Variants in ARRDC4 observed in about 807,000 individuals in gnomAD.
ARRDC4 encodes the protein arrestin domain-containing protein 4.
A neutral mutation model predicts 44.6 loss-of-function variants in ARRDC4; 40 were observed. That is an observed-to-expected ratio of 0.90 (90% CI 0.70 to 1.17). The LOEUF (loss-of-function observed/expected upper bound fraction) is 1.17. Ranked by LOEUF, ARRDC4 falls within the 50% of genes most tolerant of loss-of-function variation. The pLI is 0.00. For synonymous variants in ARRDC4, 211 were observed against 221.2 expected (o/e 0.95, Z 0.41); for missense variants, 550 against 559.1 (o/e 0.98, Z 0.16).
Position 97,970,259 on chromosome 15 carries a change from G to C in ARRDC4, c.1045+214G>C, listed in dbSNP as rs1899486524. On this transcript the variant is annotated intron_variant, in intron 6 of 7. Transcript: ENST00000268042. The surrounding 1 kb of genome is among the most constrained non-coding windows in gnomAD (Gnocchi z 4.2). ...GCAAAGCTGCTGATAGCAGATTCAGGAATAAGATGTACATTTCCTAATTCC... is the reference window on the plus strand; with the variant it reads ...GCAAAGCTGCTGATAGCAGATTCAGCAATAAGATGTACATTTCCTAATTCC... 6.6e-6 allele frequency among the ~76,000 whole-genome samples: 1 copy of C among 151,968 alleles called. No homozygotes were observed.
In ARRDC4 at chr15:97,966,138, G is replaced by A; in HGVS notation, c.522+96G>A. On this transcript the variant is annotated intron_variant, in intron 3 of 7. Coordinates refer to ENST00000268042, the MANE Select transcript of ARRDC4 (RefSeq NM_183376.3). The surrounding 1 kb of genome is among the most constrained non-coding windows in gnomAD (Gnocchi z 4.7). ...GGATCTATATTTAGCCAGTTTACTG[G>A]TAGTCTGTCCTGTCACTTTCTGATG... 1 of 1,393,044 alleles carries A rather than the reference G, an allele frequency of 7.2e-7. No homozygotes were observed. Among genetic ancestry groups the A allele is most frequent in the African/African-American group, 1.4e-5 (1 of 69,668 alleles). 86.3% of individuals were successfully genotyped at this position (1,393,044 alleles called of 1,614,324 possible). A position where few individuals can be genotyped will look rare whatever the true frequency, so the allele number is the denominator to read the frequency against.
chr15:97,968,014 AC>A lies in ARRDC4; in HGVS notation c.527del (p.Pro176LeufsTer3). ...TGTTTTATTGTTTGAAATTTTCAAG[AC>A]CCCTGTATTGAAAACTCAAGAGAAA... ...HVDVNTPALL[T>X]PVLKTQEKMV... On this transcript the variant is annotated frameshift_variant and splice_region_variant, in exon 4 of 8. Transcript: ENST00000268042. LOFTEE classifies it high-confidence loss of function. This position sits in a 1 kb window ranked among gnomAD's most constrained non-coding sequence, Gnocchi z 5.4. The A allele has an allele frequency of 6.3e-7, 1 of 1,578,690 alleles. No homozygotes were observed. Among genetic ancestry groups the A allele is most frequent in the Non-Finnish European group, 8.6e-7 (1 of 1,162,554 alleles).
At position 97,970,668 on chromosome 15, in the gene ARRDC4, TG is replaced by T. The variant is rs1230146556; in HGVS notation, c.1126del (p.Glu376ArgfsTer33). 6.2e-7 allele frequency: 1 copy of T among 1,613,426 alleles called. No individual in the cohort carries two copies. Among genetic ancestry groups the T allele is most frequent in the African/African-American group, 1.3e-5 (1 of 74,896 alleles). ...IPPYPQPPNC[E>X]GEVCCPVFAC... Reference sequence around the variant, plus strand: ...CTCCTTACCCTCAACCCCCTAACTGTGAGGGAGAAGTGTGCTGTCCTGTGTT... The same window carrying T: ...CTCCTTACCCTCAACCCCCTAACTGTAGGGAGAAGTGTGCTGTCCTGTGTT... On this transcript the variant is annotated frameshift_variant, in exon 7 of 8. Coordinates refer to ENST00000268042, the MANE Select transcript of ARRDC4 (RefSeq NM_183376.3). LOFTEE classifies it high-confidence loss of function. The surrounding 1 kb of genome is among the most constrained non-coding windows in gnomAD (Gnocchi z 4.2).
intron 1 of ARRDC4, among the ~76,000 whole-genome samples, chr15:97,964,948 A>G (rs1899389199): frequency 6.6e-6 from 1 of 152,056 alleles, no homozygotes. Flanking sequence ...TAATATTGGT[A>G]TTTCCCGTTA....
Position 97,970,074 on chromosome 15 carries a change from G to T in ARRDC4, c.1045+29G>T. On this transcript the variant is annotated intron_variant, in intron 6 of 7. Coordinates refer to ENST00000268042, the MANE Select transcript of ARRDC4 (RefSeq NM_183376.3). The surrounding 1 kb of genome is among the most constrained non-coding windows in gnomAD (Gnocchi z 4.2). ...AAATATGTTGGCGTTCTTTCATAAC[G>T]AAGCTTTACCTAGAAAATACCTAGG... The T allele has an allele frequency of 6.3e-7, 1 of 1,595,080 alleles. No homozygotes were observed. The highest frequency in any genetic ancestry group is 8.6e-7 in the Non-Finnish European group (1 of 1,165,778).
At position 97,967,942 on chromosome 15, in the gene ARRDC4, A is replaced by G; in HGVS notation, c.523-72A>G. 1.1e-6 allele frequency: 1 copy of G among 915,546 alleles called. No individual in the cohort carries two copies. Among genetic ancestry groups the G allele is most frequent in the Non-Finnish European group, 1.6e-6 (1 of 609,228 alleles). The allele number at this position is 915,546 out of a possible 1,614,324, so 56.7% of individuals were successfully genotyped here. A position where few individuals can be genotyped will look rare whatever the true frequency, so the allele number is the denominator to read the frequency against. Reference sequence around the variant, plus strand: ...CCTTACAACCATTCTGTGAAGATAGATATAATTTTAAGTTCTATGAGTTCT... The same window carrying G: ...CCTTACAACCATTCTGTGAAGATAGGTATAATTTTAAGTTCTATGAGTTCT... On this transcript the variant is annotated intron_variant, in intron 3 of 7. Coordinates refer to ENST00000268042, the MANE Select transcript of ARRDC4 (RefSeq NM_183376.3). This position sits in a 1 kb window ranked among gnomAD's most constrained non-coding sequence, Gnocchi z 5.0.
At chr15:97,969,602 G>C (rs1405114785) in intron 5 of ARRDC4, among the ~76,000 whole-genome samples, 1 of 152,124 alleles carries the variant, frequency 6.6e-6, no homozygotes, top group Non-Finnish European at 1.5e-5. Context: ...AGGGGTGTTT[G>C]TTATATTGAA....
chr15:97,971,215 C>T lies in ARRDC4; in HGVS notation c.*28C>T, dbSNP rs1418323956. The stretch of plus-strand genomic sequence containing the variant: ...GTATTTCAGAAATCACTGTGTTCAT[C>T]ATCAAATTAGAATGTTGGTTCTTTT... On this transcript the variant is annotated 3_prime_UTR_variant, in exon 8 of 8. Coordinates refer to ENST00000268042, the MANE Select transcript of ARRDC4 (RefSeq NM_183376.3). 3 of 1,602,340 alleles carry T rather than the reference C, an allele frequency of 1.9e-6. No homozygotes were observed. The highest frequency in any genetic ancestry group is 2.6e-6 in the Non-Finnish European group (3 of 1,169,772).
chr15:97,961,209 CGGGGCCGGGGAG>C, intron 1 of ARRDC4, 41 bp downstream of exon 1: 1 of 1,358,916 alleles, frequency 7.4e-7, no homozygotes, highest in Non-Finnish European at 9.4e-7. Context: ...CGCCAGGCTG[CGGGGCCGGGGAG>C]GGGCTGGGAG....
At position 97,968,094 on chromosome 15, in the gene ARRDC4, T is replaced by G; in HGVS notation, c.603T>G (p.Ile201Met). The G allele has an allele frequency of 6.2e-7, 1 of 1,602,498 alleles. No homozygotes were observed. The highest frequency in any genetic ancestry group is 8.5e-7 in the Non-Finnish European group (1 of 1,174,412). Reference sequence around the variant, plus strand: ...GTCCAGTCTCGCTGAGTGCCAAAATTGAAAGAAAGGGATACTGTAATGGTA... The same window carrying G: ...GTCCAGTCTCGCTGAGTGCCAAAATGGAAAGAAAGGGATACTGTAATGGTA... ...TSGPVSLSAK[I>M]ERKGYCNGEA... Residue 201 changes from isoleucine (I) to methionine (M), a missense_variant, in exon 4 of 8, where the codon ATT (isoleucine) becomes ATG (methionine). Transcript: ENST00000268042. This position sits in a 1 kb window ranked among gnomAD's most constrained non-coding sequence, Gnocchi z 5.4.
rs547865470 is a variant in ARRDC4, at chr15:97,970,467, T to C, written c.1046-122T>C. 9.8e-7 allele frequency: 1 copy of C among 1,017,504 alleles called. No individual in the cohort carries two copies. The highest frequency in any genetic ancestry group is 1.6e-5 in the African/African-American group (1 of 61,970). 63.0% of individuals were successfully genotyped at this position (1,017,504 alleles called of 1,614,324 possible). On this transcript the variant is annotated intron_variant, in intron 6 of 7. Transcript: ENST00000268042. This position sits in a 1 kb window ranked among gnomAD's most constrained non-coding sequence, Gnocchi z 4.2. ...GTAATATGCATAAAACCTTGCTGAT[T>C]AGAGGGAAAGAATGCCATATTTTTT...
At position 97,967,074 on chromosome 15, in the gene ARRDC4, G is replaced by A. The variant is rs1024376313; in HGVS notation, c.523-940G>A. The stretch of plus-strand genomic sequence containing the variant: ...TTGTGGTCAGAATCATAAAACAGCC[G>A]GCACCCAGCTGGCCTGGCTTATAGC... On this transcript the variant is annotated intron_variant, in intron 3 of 7. Transcript: ENST00000268042. This position sits in a 1 kb window ranked among gnomAD's most constrained non-coding sequence, Gnocchi z 5.0. Among the ~76,000 whole-genome samples, 3 of 152,186 alleles carry A rather than the reference G, an allele frequency of 2.0e-5. No individual in the cohort carries two copies. The highest frequency in any genetic ancestry group is 4.4e-5 in the Non-Finnish European group (3 of 68,030).
chr15:97,960,970 A>G lies in ARRDC4; in HGVS notation c.109A>G (p.Thr37Ala). 2 of 1,465,850 alleles carry G rather than the reference A, an allele frequency of 1.4e-6. No homozygotes were observed. The highest frequency in any genetic ancestry group is 1.3e-5 in the South Asian group (1 of 76,140). The allele number at this position is 1,465,850 out of a possible 1,614,324, so 90.8% of individuals were successfully genotyped here. The change falls in exon 1 of 8, where the codon ACA (threonine) becomes GCA (alanine). Residue 37 changes from threonine (T) to alanine (A), a missense_variant. Thr to Ala is a moderately conservative substitution (Grantham distance 58). Transcript: ENST00000268042. ...ERKGCYSSGE[T>A]VAGHVLLEAS... ...CAAGGGCTGCTATTCCAGCGGCGAG[A>G]CAGTGGCCGGGCACGTGCTGCTGGA...
chr15:97,969,185 G>C lies in ARRDC4; in HGVS notation c.688G>C (p.Ala230Pro). The stretch of plus-strand genomic sequence containing the variant: ...TTCCTCTCGTCTGATTGTTCCAAAG[G>C]CTGCTATTTTCCAAACGCAGACATA... ...NCSSRLIVPK[A>P]AIFQTQTYLA... is the part of the protein sequence containing the mutation. Residue 230 changes from alanine to proline, a missense_variant, in exon 5 of 8, where the codon GCT (alanine) becomes CCT (proline). Transcript: ENST00000268042. The C allele has an allele frequency of 1.2e-6, 2 of 1,613,830 alleles. No individual in the cohort carries two copies. Among genetic ancestry groups the C allele is most frequent in the African/African-American group, 2.7e-5 (2 of 75,014 alleles).
At position 97,973,148 on chromosome 15, in the gene ARRDC4, C is replaced by A. The variant is rs544259658; in HGVS notation, c.*1961C>A. 1 of 152,338 alleles carries A rather than the reference C, an allele frequency of 6.6e-6. No homozygotes were observed. Among genetic ancestry groups the A allele is most frequent in the African/African-American group, 2.4e-5 (1 of 41,546 alleles). 9.4% of individuals were successfully genotyped at this position (152,338 alleles called of 1,614,324 possible). A position where few individuals can be genotyped will look rare whatever the true frequency, so the allele number is the denominator to read the frequency against. On this transcript the variant is annotated 3_prime_UTR_variant, in exon 8 of 8. Transcript: ENST00000268042. ...ACTTCTGAGTTATATAGTTCATGCC[C>A]TGCCAAGGCATTGTTCGACTCCATG...
chr15:97,964,535 G>T (rs1899381364), intron 1 of ARRDC4, among the ~76,000 whole-genome samples: 1 of 152,150 alleles, frequency 6.6e-6, no homozygotes, highest in African/African-American at 2.4e-5. Flanking sequence ...TTGTCTTGGT[G>T]CCTTCATCAG....
rs1467952018 is a variant in ARRDC4, at chr15:97,970,287, TTTG to T, written c.1045+244_1045+246del. ...TAAGATGTACATTTCCTAATTCCTA[TTTG>T]TAATAGGAAAACAATGAAAAACAGT... On this transcript the variant is annotated intron_variant, in intron 6 of 7. Coordinates refer to ENST00000268042, the MANE Select transcript of ARRDC4 (RefSeq NM_183376.3). This position sits in a 1 kb window ranked among gnomAD's most constrained non-coding sequence, Gnocchi z 4.2. Among the ~76,000 whole-genome samples, 1 of 152,142 alleles carries T rather than the reference TTTG, an allele frequency of 6.6e-6. No individual in the cohort carries two copies. The highest frequency in any genetic ancestry group is 1.5e-5 in the Non-Finnish European group (1 of 68,020).
intron 1 of ARRDC4, among the ~76,000 whole-genome samples, chr15:97,964,146 C>G (rs184075225): frequency 6.6e-6 from 1 of 152,252 alleles, no homozygotes; most frequent in South Asian, 2.1e-4. Context: ...TTCAGAAGAC[C>G]TAATAGGTCA....
Position 97,968,366 on chromosome 15 carries a change from G to T in ARRDC4, c.625+250G>T, listed in dbSNP as rs998716488. ...TTTAGTAACAAAGAGTATAACTAGA[G>T]GAATGAGAAAATGCCAGCATCTGAT... On this transcript the variant is annotated intron_variant, in intron 4 of 7. Coordinates refer to ENST00000268042, the MANE Select transcript of ARRDC4 (RefSeq NM_183376.3). The surrounding 1 kb of genome is among the most constrained non-coding windows in gnomAD (Gnocchi z 5.4). 2.6e-5 allele frequency among the ~76,000 whole-genome samples: 4 copies of T among 151,974 alleles called. No homozygotes were observed. The highest frequency in any genetic ancestry group is 2.6e-4 in the Admixed American group (4 of 15,256).
Sources: gnomAD v4.1 joint callset for allele counts (sites outside exome capture counted in the v4.1 genomes callset) on GRCh38, gnomAD v4.1.1 for gene constraint, Gnocchi (gnomAD v3.1) non-coding constraint, MANE v1.5 for transcripts, NCBI Gene and HGNC (gene_info 2026-07-23, HGNC 2026-07-21) for gene names.